PELI1: variants seen among roughly 807,000 people sequenced by gnomAD.
PELI1 encodes the protein E3 ubiquitin-protein ligase pellino homolog 1.
Under a neutral mutation model 41.3 loss-of-function variants are expected in PELI1, and 15 were observed. That is an observed-to-expected ratio of 0.36 (90% CI 0.24 to 0.56). PELI1 has a LOEUF of 0.56. Ranked by LOEUF, PELI1 falls within the 20% of genes least tolerant of loss-of-function variation. The pLI is 0.82. For missense variants in PELI1, 403 were observed against 525.5 expected, an observed-to-expected ratio of 0.77 and a Z score of 2.28; for synonymous variants, 178 against 180.1, an observed-to-expected ratio of 0.99 and a Z score of 0.09.
chr2:64,136,596 T>C (rs1322096121), intron 1 of PELI1, among the ~76,000 whole-genome samples: 1 of 152,228 alleles, frequency 6.6e-6, no homozygotes, highest in Non-Finnish European at 1.5e-5. Context: ...GCATTACATT[T>C]TAAATGATTG....
At position 64,096,577 on chromosome 2, in the gene PELI1, C is replaced by G. The variant is rs1187874846; in HGVS notation, c.337G>C (p.Val113Leu). 6.2e-7 allele frequency: 1 copy of G among 1,610,154 alleles called. No homozygotes were observed. Residue 113 changes from valine (V) to leucine (L), a missense_variant, in exon 5 of 7, where the codon GTA becomes CTA. By Grantham distance (32) the Val-to-Leu change is conservative. Transcript: ENST00000358912. ...CTTCCAGGAACCGTGTCAGTTACTA[C>G]AAAATCAATGGGGCTTTCAGTCGAC... ...GRSTESPIDFVVTDTVPGSQS... is the reference protein window; with the variant it reads ...GRSTESPIDFLVTDTVPGSQS...
At chr2:64,097,770 A>G (rs1680293308) in intron 4 of PELI1, among the ~76,000 whole-genome samples, 1 of 152,212 alleles carries the variant, frequency 6.6e-6, no homozygotes, top group African/African-American at 2.4e-5. Flanking sequence ...CAAGTTCCTC[A>G]TATCGGCACA....
At chr2:64,115,029 C>T (rs546882952) in intron 1 of PELI1, among the ~76,000 whole-genome samples, 1 of 151,974 alleles carries the variant, frequency 6.6e-6, no homozygotes, top group South Asian at 2.1e-4. Flanking sequence ...TAGTAAAGGC[C>T]GTGTAGTTGA....
chr2:64,096,355 TAACTTGG>T, intron 5 of PELI1, 42 bp from the exon 6 acceptor site: 7 of 1,594,332 alleles, frequency 4.4e-6, no homozygotes, highest in Non-Finnish European at 6.0e-6. Context: ...TTGTAACTTG[TAACTTGG>T]AATGAAAGCT....
intron 1 of PELI1, among the ~76,000 whole-genome samples, chr2:64,126,849 A>AT (rs1681406028): frequency 1.3e-5 from 2 of 152,126 alleles, no homozygotes; most frequent in Admixed American, 1.3e-4. Flanking sequence ...TCGCATAAAG[A>AT]TAAAAAAGAC....
At position 64,104,624 on chromosome 2, in the gene PELI1, T is replaced by C. The variant is rs561548839; in HGVS notation, c.201+77A>G. The C allele has an allele frequency of 3.5e-5, 51 of 1,460,968 alleles. 2 individuals are homozygous for C. The South Asian group carries it at 7.3e-4, about 21-fold the overall frequency. 90.5% of individuals were successfully genotyped at this position (1,460,968 alleles called of 1,614,324 possible). A position where few individuals can be genotyped will look rare whatever the true frequency, so the allele number is the denominator to read the frequency against. On this transcript the variant is annotated intron_variant, in intron 3 of 6. Transcript: ENST00000358912. ...TGAAATAGAAATGTAAGGGGAATGC[T>C]AGAGAATACAAACAACACATAAAAG...
At chr2:64,125,379 T>C (rs1271917560) in intron 1 of PELI1, among the ~76,000 whole-genome samples, 1 of 152,130 alleles carries the variant, frequency 6.6e-6, no homozygotes, top group African/African-American at 2.4e-5. Context: ...TCAAAAAAAT[T>C]CTCAGCATTA....
At chr2:64,129,073 A>G in intron 1 of PELI1, among the ~76,000 whole-genome samples, 1 of 152,198 alleles carries the variant, frequency 6.6e-6, no homozygotes, top group South Asian at 2.1e-4. Flanking sequence ...AGCTAAATCA[A>G]TTAGGCTATT....
chr2:64,103,296 C>G (rs548609029), intron 3 of PELI1, among the ~76,000 whole-genome samples: 1 of 152,198 alleles, frequency 6.6e-6, no homozygotes, highest in African/African-American at 2.4e-5. Flanking sequence ...AATATTTTCC[C>G]TGATAGTGGT....
At chr2:64,108,188 A>C in intron 2 of PELI1, 52 bp downstream of exon 2, 1 of 1,003,928 alleles carries the variant, frequency 1.0e-6, no homozygotes, top group Non-Finnish European at 1.5e-6. Context: ...CTAGATGCCA[A>C]AGTTAGCATA....
chr2:64,106,440 A>G (rs1008902932), intron 2 of PELI1: 5 of 152,248 alleles, frequency 3.3e-5, no homozygotes, highest in African/African-American at 9.6e-5. Flanking sequence ...ATATTAAACT[A>G]TTCTTCAAAT....
intron 1 of PELI1, among the ~76,000 whole-genome samples, chr2:64,121,242 A>C (rs1208912360): frequency 6.6e-6 from 1 of 152,170 alleles, no homozygotes; most frequent in Admixed American, 6.5e-5. Flanking sequence ...CGGGCTGATG[A>C]GATTGCTCAA....
chr2:64,110,894 C>G (rs1174753519), intron 1 of PELI1, among the ~76,000 whole-genome samples: 1 of 150,994 alleles, frequency 6.6e-6, no homozygotes, highest in Non-Finnish European at 1.5e-5. Flanking sequence ...CCACTGCACT[C>G]CAGCCTGGGT....
At chr2:64,112,211 G>T (rs906403084) in intron 1 of PELI1, among the ~76,000 whole-genome samples, 2 of 152,150 alleles carry the variant, frequency 1.3e-5, no homozygotes, top group Admixed American at 6.5e-5. Flanking sequence ...GCTGACATTA[G>T]TATATCACAT....
At chr2:64,109,714 C>G (rs1479815521) in intron 1 of PELI1, among the ~76,000 whole-genome samples, 1 of 151,848 alleles carries the variant, frequency 6.6e-6, no homozygotes, top group Non-Finnish European at 1.5e-5. Flanking sequence ...AAAAACAATG[C>G]AAAAGATAAT....
chr2:64,096,027 T>C (rs1400405926), intron 6 of PELI1, 98 bp downstream of exon 6: 15 of 813,798 alleles, frequency 1.8e-5, no homozygotes, highest in Non-Finnish European at 2.4e-5. Context: ...GTGTTGGCAA[T>C]AGATTTAAGA....
In PELI1 at chr2:64,126,753, T is replaced by C. The variant is rs541020814; in HGVS notation, c.-70+17328A>G. On this transcript the variant is annotated intron_variant, in intron 1 of 6. Coordinates refer to ENST00000358912, the MANE Select transcript of PELI1 (RefSeq NM_020651.4). ...GGAAGAGGAACAAGAGGAAGCTTCA[T>C]AGCAGAGGTATTCAATTTGGACCTT... Among the ~76,000 whole-genome samples the C allele has an allele frequency of 1.7e-4, 26 of 151,932 alleles. No homozygotes were observed. In the East Asian group the frequency reaches 4.2e-3, roughly 25 times the overall value.
chr2:64,131,126 T>G (rs72810206), intron 1 of PELI1, among the ~76,000 whole-genome samples: 3,487 of 152,208 alleles, frequency 0.023, 73 homozygotes, highest in Non-Finnish European at 0.035. Flanking sequence ...ATGAATTTCT[T>G]GGTCCAAAAG....
chr2:64,108,153 T>C (rs1202844079), intron 2 of PELI1, 87 bp downstream of exon 2: 4 of 722,080 alleles, frequency 5.5e-6, no homozygotes, highest in African/African-American at 1.8e-5. Flanking sequence ...AAGATATAAA[T>C]TCCAAAAAAA....
Sources: gnomAD v4.1 joint callset for allele counts (sites outside exome capture counted in the v4.1 genomes callset) on GRCh38, gnomAD v4.1.1 for gene constraint, MANE v1.5 for transcripts, NCBI Gene and HGNC (gene_info 2026-07-23, HGNC 2026-07-21) for gene names.